Variants in RBPMS observed in about 807,000 individuals in gnomAD.
The protein encoded by RBPMS is RNA binding protein, mRNA processing factor, also known as RNA-binding protein with multiple splicing.
In RBPMS, 7 loss-of-function variants were observed where a neutral mutation model predicts 26.8. The ratio of observed to expected loss-of-function variants is 0.26; its 90% CI spans 0.15 to 0.49. The LOEUF (loss-of-function observed/expected upper bound fraction) is 0.49. Ranked by LOEUF, RBPMS falls within the 20% of genes least tolerant of loss-of-function variation. RBPMS has a pLI of 0.98. For synonymous variants in RBPMS, 96 were observed against 93.3 expected (o/e 1.03, Z -0.17); for missense variants, 186 against 250.0 (o/e 0.74, Z 1.73).
At chr8:30,522,489 C>T (rs867425226) in intron 5 of RBPMS, among the ~76,000 whole-genome samples, 8 of 152,186 alleles carry the variant, frequency 5.3e-5, no homozygotes, top group East Asian at 1.9e-4. Flanking sequence ...GCCTGGGCAA[C>T]GCACCAAGAC....
At chr8:30,551,701 G>A (rs1041631806) in intron 6 of RBPMS, among the ~76,000 whole-genome samples, 2 of 152,136 alleles carry the variant, frequency 1.3e-5, no homozygotes, top group South Asian at 2.1e-4. Context: ...TAACAACCGC[G>A]TGGCCCAACT....
intron 7 of RBPMS, chr8:30,564,241 G>A (rs1214576443): frequency 6.6e-6 from 1 of 152,208 alleles, no homozygotes; most frequent in Admixed American, 6.5e-5. Flanking sequence ...CTTTAGTGAG[G>A]CTTGGAAAAT....
At chr8:30,426,169 C>T (rs939398356) in intron 1 of RBPMS, among the ~76,000 whole-genome samples, 6 of 152,188 alleles carry the variant, frequency 3.9e-5, no homozygotes, top group Non-Finnish European at 8.8e-5. Flanking sequence ...GATGCTGGCT[C>T]AATGTTCATG....
chr8:30,505,151 TGGCAGAAGTGG>T (rs1820954314), intron 5 of RBPMS, among the ~76,000 whole-genome samples: 1 of 152,224 alleles, frequency 6.6e-6, no homozygotes, highest in East Asian at 1.9e-4. Flanking sequence ...GCTCAGTCAG[TGGCAGAAGTGG>T]GGCATGAGAC....
intron 1 of RBPMS, among the ~76,000 whole-genome samples, chr8:30,436,094 G>T (rs983189145): frequency 6.6e-6 from 1 of 152,206 alleles, no homozygotes; most frequent in Non-Finnish European, 1.5e-5. Flanking sequence ...GTGGAATTCA[G>T]TTATTTCCAA....
chr8:30,538,157 C>G (rs940796779), intron 5 of RBPMS, among the ~76,000 whole-genome samples: 1 of 152,208 alleles, frequency 6.6e-6, no homozygotes, highest in Admixed American at 6.5e-5. Flanking sequence ...CTCCTCATGA[C>G]TGCAGCACGT....
rs182873152 is a variant in RBPMS at position 30,393,323 on chromosome 8, T to C, written c.66+8165T>C. Among the ~76,000 whole-genome samples, 353 of 152,090 alleles carry C rather than the reference T, an allele frequency of 2.3e-3. 2 individuals carry two copies. Among genetic ancestry groups the C allele is most frequent in the African/African-American group, 8.0e-3 (331 of 41,482 alleles). ...CCATTAATTCCCAGGCTTTTACTTC[T>C]CCAACTCTCCATTTGCCAACCCTGC... is the stretch of plus-strand genomic sequence containing the variant. On this transcript the variant is annotated intron_variant, in intron 1 of 8. Transcript: ENST00000397323.
At chr8:30,559,400 T>C (rs748455426) in intron 7 of RBPMS, among the ~76,000 whole-genome samples, 5 of 152,210 alleles carry the variant, frequency 3.3e-5, no homozygotes, top group Non-Finnish European at 5.9e-5. Context: ...AAAGTACTAA[T>C]CGTTAAAAAA....
chr8:30,533,591 C>G (rs992206146), intron 5 of RBPMS, among the ~76,000 whole-genome samples: 22 of 152,084 alleles, frequency 1.4e-4, no homozygotes, highest in African/African-American at 4.6e-4. Flanking sequence ...ATTGATCTAG[C>G]CTGGCTTAAA....
chr8:30,529,394 C>T (rs1000277548), intron 5 of RBPMS, among the ~76,000 whole-genome samples: 1 of 151,968 alleles, frequency 6.6e-6, no homozygotes, highest in East Asian at 1.9e-4. Flanking sequence ...CCCAGCTACT[C>T]GGGAGACTGA....
chr8:30,498,379 G>A (rs1267313431), intron 4 of RBPMS, among the ~76,000 whole-genome samples: 1 of 152,182 alleles, frequency 6.6e-6, no homozygotes, highest in African/African-American at 2.4e-5. Flanking sequence ...AAGTGGGTTA[G>A]CAGAAAGATG....
chr8:30,483,826 C>G (rs961482400), intron 4 of RBPMS, among the ~76,000 whole-genome samples: 2 of 152,084 alleles, frequency 1.3e-5, no homozygotes, highest in African/African-American at 2.4e-5. Flanking sequence ...GTGAATTTGC[C>G]TATTCTAAAT....
intron 1 of RBPMS, chr8:30,385,525 G>T (rs1806941223): frequency 1.5e-5 from 3 of 200,306 alleles, no homozygotes; most frequent in Admixed American, 6.0e-5. Context: ...TATGGATTCA[G>T]GGTCGGGGGG....
chr8:30,533,159 C>T (rs949980879), intron 5 of RBPMS, among the ~76,000 whole-genome samples: 1 of 152,180 alleles, frequency 6.6e-6, no homozygotes, highest in African/African-American at 2.4e-5. Context: ...TAACTGGAGA[C>T]TGCCCAGTTA....
At position 30,424,665 on chromosome 8, in the gene RBPMS, G is replaced by T. The variant is rs144270240; in HGVS notation, c.66+39507G>T. Among the ~76,000 whole-genome samples the T allele has an allele frequency of 3.3e-3, 495 of 152,296 alleles. 2 individuals are homozygous for T. The highest frequency in any genetic ancestry group is 0.011 in the African/African-American group (466 of 41,544). ...ATAATAATGCCTACTTCGTGGAGTT[G>T]TGAGGATTAAAGGAGATATGATATG... On this transcript the variant is annotated intron_variant, in intron 1 of 8. Transcript: ENST00000397323.
At chr8:30,477,563 A>C (rs1253238546) in intron 2 of RBPMS, among the ~76,000 whole-genome samples, 1 of 152,214 alleles carries the variant, frequency 6.6e-6, no homozygotes, top group Non-Finnish European at 1.5e-5. Flanking sequence ...AAAAAATAGA[A>C]GGAAGAGAAA....
intron 5 of RBPMS, among the ~76,000 whole-genome samples, chr8:30,526,497 A>G (rs919546833): frequency 4.6e-5 from 7 of 152,214 alleles, no homozygotes; most frequent in African/African-American, 1.7e-4. Flanking sequence ...CCCAAAGTGA[A>G]AACAATCCAC....
intron 1 of RBPMS, among the ~76,000 whole-genome samples, chr8:30,415,542 C>G (rs2915616): frequency 0.086 from 13,047 of 152,250 alleles, 1,112 homozygotes; most frequent in African/African-American, 0.22. Flanking sequence ...GATAATGCAT[C>G]ATCTCTTTCA....
chr8:30,508,985 A>G (rs16877101), intron 5 of RBPMS, among the ~76,000 whole-genome samples: 12,633 of 152,206 alleles, frequency 0.083, 630 homozygotes, highest in South Asian at 0.17. Context: ...CAGATATCAA[A>G]AGGCTCCAGA....
Sources: allele counts gnomAD v4.1 joint callset (sites outside exome capture counted in the v4.1 genomes callset), GRCh38; gene constraint gnomAD v4.1.1; transcripts MANE v1.5; gene names NCBI Gene and HGNC (gene_info 2026-07-23, HGNC 2026-07-21).